Variants in ZNF408 observed in about 807,000 individuals in gnomAD.
ZNF408 encodes PR domain zinc finger protein 17.
ZNF408 carries 24 observed loss-of-function variants against 27.6 expected under a neutral mutation model. The observed-to-expected ratio is 0.87, with a 90% CI of 0.63 to 1.22. The LOEUF is 1.22. Among genes scored for constraint, ZNF408 ranks in the 50% most tolerant of loss-of-function variants. ZNF408 has a pLI of 0.00. For synonymous variants in ZNF408, 410 were observed against 396.1 expected, an observed-to-expected ratio of 1.04 and a Z score of -0.42; for missense variants, 897 against 949.0, an observed-to-expected ratio of 0.95 and a Z score of 0.72.
At chr11:46,701,234 C>CT in intron 1 of ZNF408, 135 bp downstream of exon 1, 1 of 1,558,664 alleles carries the variant, frequency 6.4e-7, no homozygotes, top group Non-Finnish European at 8.8e-7. Flanking sequence ...CTGGGGGCTT[C>CT]TGAAGAGCCC....
At chr11:46,704,318 C>G (rs1199846685) in intron 4 of ZNF408, 35 bp from the exon 5 acceptor site, 9 of 1,532,380 alleles carry the variant, frequency 5.9e-6, no homozygotes, top group Non-Finnish European at 7.9e-6. Context: ...TGCATTGAAG[C>G]TCCCTAAACC....
In ZNF408 at chr11:46,705,418, A is replaced by T; in HGVS notation, c.1718A>T (p.His573Leu). The T allele has an allele frequency of 6.2e-7, 1 of 1,607,326 alleles. No homozygotes were observed. The highest frequency in any genetic ancestry group is 8.5e-7 in the Non-Finnish European group (1 of 1,179,402). Residue 573 changes from histidine (H) to leucine (L), a missense_variant, in exon 5 of 5, where the codon CAC becomes CTC. By Grantham distance (99) the His-to-Leu change is moderately conservative. Transcript: ENST00000311764. This position sits in a 1 kb window ranked among gnomAD's most constrained non-coding sequence, Gnocchi z 6.5. ...ACGCTCCGAGCTCACGAGCGCCTGC[A>T]CTCCGGAGAGAGGCCCTTTCCCTGT... is the stretch of plus-strand genomic sequence containing the variant. ...PHTLRAHERL[H>L]SGERPFPCPQ...
At position 46,705,473 on chromosome 11, in the gene ZNF408, C is replaced by T; in HGVS notation, c.1773C>T (p.Ala591=). 2 of 1,606,792 alleles carry T rather than the reference C, an allele frequency of 1.2e-6. No homozygotes were observed. Among genetic ancestry groups the T allele is most frequent in the South Asian group, 1.1e-5 (1 of 91,068 alleles). The change falls in exon 5 of 5, where the codon GCC becomes GCT. Residue 591 remains alanine, a synonymous_variant. Coordinates refer to ENST00000311764, the MANE Select transcript of ZNF408 (RefSeq NM_024741.3). The surrounding 1 kb of genome is among the most constrained non-coding windows in gnomAD (Gnocchi z 6.5). ...AGTGTGGCCGTGCTTACACGCTGGC[C>T]ACCAAGCTGCGGCGCCACCTCAAAT... The part of the protein sequence containing the change: ...CPQCGRAYTL[A]TKLRRHLKSH...
In ZNF408 at chr11:46,703,091, T is replaced by C. The variant is rs1026055570; in HGVS notation, c.500T>C (p.Leu167Pro). The change falls in exon 4 of 5, where the codon CTG (leucine) becomes CCG (proline). Residue 167 changes from leucine to proline, a missense_variant. Coordinates refer to ENST00000311764, the MANE Select transcript of ZNF408 (RefSeq NM_024741.3). ...CAGCTGGTGCTGCCAGGCTCTGAACTGCTGCTGTGGCCCCAGCCTTCCTCT... is the reference window on the plus strand; with the variant it reads ...CAGCTGGTGCTGCCAGGCTCTGAACCGCTGCTGTGGCCCCAGCCTTCCTCT... ...VYQLVLPGSELLLWPQPSSEG... is the reference protein window; with the variant it reads ...VYQLVLPGSEPLLWPQPSSEG... 1 of 1,613,264 alleles carries C rather than the reference T, an allele frequency of 6.2e-7. No homozygotes were observed. Among genetic ancestry groups the C allele is most frequent in the African/African-American group, 1.3e-5 (1 of 75,030 alleles).
chr11:46,701,325 G>A lies in ZNF408; in HGVS notation c.53-74G>A, dbSNP rs767057382. ...GCTCCGCAGGCCCACCTGGACCTGC[G>A]GTTTCCTCCCACACTTTTCCCCACC... is the stretch of plus-strand genomic sequence containing the variant. On this transcript the variant is annotated intron_variant, in intron 1 of 4. Transcript: ENST00000311764. The A allele has an allele frequency of 3.2e-6, 5 of 1,583,568 alleles. No homozygotes were observed. In the Admixed American group the frequency reaches 5.3e-5, roughly 17 times the overall value.
At position 46,704,830 on chromosome 11, in the gene ZNF408, G is replaced by A; in HGVS notation, c.1130G>A (p.Gly377Asp). Residue 377 changes from glycine (G) to aspartate (D), a missense_variant, in exon 5 of 5, where the codon GGC becomes GAC. Transcript: ENST00000311764. ...HLKKHAFVHT[G>D]HKPFLCTECG... ...AAGAAGCACGCATTTGTGCACACGGGCCACAAGCCCTTTCTTTGCACTGAG... is the reference window on the plus strand; with the variant it reads ...AAGAAGCACGCATTTGTGCACACGGACCACAAGCCCTTTCTTTGCACTGAG... 6.2e-7 allele frequency: 1 copy of A among 1,600,448 alleles called. No homozygotes were observed. The highest frequency in any genetic ancestry group is 8.5e-7 in the Non-Finnish European group (1 of 1,172,932).
chr11:46,702,442 T>C (rs2064716445), intron 2 of ZNF408, among the ~76,000 whole-genome samples: 1 of 152,202 alleles, frequency 6.6e-6, no homozygotes, highest in Non-Finnish European at 1.5e-5. Flanking sequence ...ACTTTTTCTG[T>C]TTAGTACTCA....
At chr11:46,703,341 G>T in intron 4 of ZNF408, 98 bp downstream of exon 4, 1 of 1,420,370 alleles carries the variant, frequency 7.0e-7, no homozygotes, top group Non-Finnish European at 9.4e-7. Context: ...CGGTAAGGAA[G>T]GACACTATAG....
chr11:46,701,190 C>G (rs1168071944), intron 1 of ZNF408, 91 bp downstream of exon 1: 6 of 1,604,460 alleles, frequency 3.7e-6, no homozygotes, highest in Middle Eastern at 1.7e-4. Context: ...TTCTCTCCTC[C>G]GGATCCCAGG....
In ZNF408 at chr11:46,704,357, T is replaced by A; in HGVS notation, c.657T>A (p.Pro219=). 6.3e-7 allele frequency: 1 copy of A among 1,585,514 alleles called. No individual in the cohort carries two copies. Among genetic ancestry groups the A allele is most frequent in the Non-Finnish European group, 8.6e-7 (1 of 1,164,396 alleles). The part of the protein sequence containing the change: ...GEDAAEPCID[P]GSQSPSGIQA... ...TACCCCATCCTTGCCTTGCAGATCCTGGTTCCCAGTCACCCTCTGGCATCC... is the reference window on the plus strand; with the variant it reads ...TACCCCATCCTTGCCTTGCAGATCCAGGTTCCCAGTCACCCTCTGGCATCC... Residue 219 remains proline (P), a synonymous_variant, in exon 5 of 5, where the codon CCT becomes CCA. Transcript: ENST00000311764.
At chr11:46,703,755 G>GTTTTT (rs1214759940) in intron 4 of ZNF408, among the ~76,000 whole-genome samples, 6 of 110,194 alleles carry the variant, frequency 5.4e-5, no homozygotes, top group African/African-American at 2.0e-4. Flanking sequence ...TGTTGTTGTT[G>GTTTTT]TTGTTGTTGT....
chr11:46,705,358 G>A lies in ZNF408; in HGVS notation c.1658G>A (p.Cys553Tyr). The A allele has an allele frequency of 6.3e-7, 1 of 1,597,392 alleles. No individual in the cohort carries two copies. The highest frequency in any genetic ancestry group is 1.1e-5 in the South Asian group (1 of 90,054). The change falls in exon 5 of 5, where the codon TGC (cysteine) becomes TAC (tyrosine). Residue 553 changes from cysteine (C) to tyrosine (Y), a missense_variant. Coordinates refer to ENST00000311764, the MANE Select transcript of ZNF408 (RefSeq NM_024741.3). The surrounding 1 kb of genome is among the most constrained non-coding windows in gnomAD (Gnocchi z 6.5). ...TCACACACCGGGGAGGCCCACTTGT[G>A]CCCGGTGTGTGGCAAGGCCCTCCGA... ...LISHTGEAHL[C>Y]PVCGKALRDP...
Position 46,704,447 on chromosome 11 carries a change from C to T in ZNF408, c.747C>T (p.Ser249=). The change falls in exon 5 of 5, where the codon AGC becomes AGT. Residue 249 remains serine (S), a synonymous_variant. Transcript: ENST00000311764. ...FPTQDRISKD[S]QPLGPLLQDG... is the part of the protein sequence containing the mutation. ...CCCAGGACCGAATTTCCAAGGATAG[C>T]CAGCCACTTGGCCCATTGCTTCAGG... The T allele has an allele frequency of 6.2e-7, 1 of 1,614,170 alleles. No homozygotes were observed. Among genetic ancestry groups the T allele is most frequent in the Non-Finnish European group, 8.5e-7 (1 of 1,180,032 alleles).
chr11:46,705,088 C>T lies in ZNF408; in HGVS notation c.1388C>T (p.Ala463Val), dbSNP rs545799372. The T allele has an allele frequency of 1.2e-6, 2 of 1,612,418 alleles. No individual in the cohort carries two copies. Among genetic ancestry groups the T allele is most frequent in the African/African-American group, 1.3e-5 (1 of 75,076 alleles). Reference sequence around the variant, plus strand: ...CATCGCAAGACCCACCAGGTGCCAGCTGCCCCTGCCCCTTGCCCATGCCCT... The same window carrying T: ...CATCGCAAGACCCACCAGGTGCCAGTTGCCCCTGCCCCTTGCCCATGCCCT... Reference protein sequence around the residue: ...RLHRKTHQVPAAPAPCPCPVC... With the variant: ...RLHRKTHQVPVAPAPCPCPVC... Residue 463 changes from alanine (A) to valine (V), a missense_variant, in exon 5 of 5, where the codon GCT (alanine) becomes GTT (valine). Ala to Val is a moderately conservative substitution (Grantham distance 64). Coordinates refer to ENST00000311764, the MANE Select transcript of ZNF408 (RefSeq NM_024741.3). The surrounding 1 kb of genome is among the most constrained non-coding windows in gnomAD (Gnocchi z 6.5).
At position 46,701,646 on chromosome 11, in the gene ZNF408, G is replaced by A; in HGVS notation, c.300G>A (p.Lys100=). ...AAGAGGAGTCTGCCTCCAAGGAGAA[G>A]GGCGAGGGAGTAAAGCCACGGCAGG... is the stretch of plus-strand genomic sequence containing the variant. The part of the protein sequence containing the change: ...PLEEESASKE[K]GEGVKPRQEE... The change falls in exon 2 of 5, where the codon AAG becomes AAA. Residue 100 remains lysine (K), a synonymous_variant. Transcript: ENST00000311764. 1 of 1,598,908 alleles carries A rather than the reference G, an allele frequency of 6.3e-7. No homozygotes were observed. Among genetic ancestry groups the A allele is most frequent in the Non-Finnish European group, 8.5e-7 (1 of 1,170,668 alleles).
Position 46,705,675 on chromosome 11 carries a change from C to G in ZNF408, c.1975C>G (p.Leu659Val), listed in dbSNP as rs765325050. 15 of 1,613,900 alleles carry G rather than the reference C, an allele frequency of 9.3e-6. No homozygotes were observed. Among genetic ancestry groups the G allele is most frequent in the Non-Finnish European group, 1.3e-5 (15 of 1,179,994 alleles). Residue 659 changes from leucine to valine, a missense_variant, in exon 5 of 5, where the codon CTG (leucine) becomes GTG (valine). Leu to Val is a conservative substitution (Grantham distance 32, BLOSUM62 1). Transcript: ENST00000311764. This position sits in a 1 kb window ranked among gnomAD's most constrained non-coding sequence, Gnocchi z 6.5. The stretch of plus-strand genomic sequence containing the variant: ...GCTCCTGCAGGCTGAGCCACAACTG[C>G]TGGACACACACAGAGAGGAGGAAGT... The part of the protein sequence containing the change: ...VVLLQAEPQL[L>V]DTHREEEVSP...
rs1489418102 is a variant in ZNF408 at position 46,703,761 on chromosome 11, G to GT, written c.652+520dup. Reference sequence around the variant, plus strand: ...GTTTTGTTTTGTTGTTGTTGTTGTTGTTGTTGTTGTTTTTTTTTTTTTTTG... The same window carrying GT: ...GTTTTGTTTTGTTGTTGTTGTTGTTGTTTGTTGTTGTTTTTTTTTTTTTTTG... On this transcript the variant is annotated intron_variant, in intron 4 of 4. Coordinates refer to ENST00000311764, the MANE Select transcript of ZNF408 (RefSeq NM_024741.3). Among the ~76,000 whole-genome samples, 54 of 80,166 alleles carry GT rather than the reference G, an allele frequency of 6.7e-4. 3 individuals carry two copies. The highest frequency in any genetic ancestry group is 2.4e-3 in the African/African-American group (50 of 20,984). The allele number at this position is 80,166 out of a possible 152,430, so 52.6% of individuals were successfully genotyped here. A position where few individuals can be genotyped will look rare whatever the true frequency, so the allele number is the denominator to read the frequency against.
chr11:46,705,561 A>G lies in ZNF408; in HGVS notation c.1861A>G (p.Ser621Gly). The change falls in exon 5 of 5, where the codon AGC becomes GGC. Residue 621 changes from serine (S) to glycine (G), a missense_variant. By Grantham distance (56) the Ser-to-Gly change is moderately conservative. Coordinates refer to ENST00000311764, the MANE Select transcript of ZNF408 (RefSeq NM_024741.3). The surrounding 1 kb of genome is among the most constrained non-coding windows in gnomAD (Gnocchi z 6.5). The part of the protein sequence containing the change: ...TCGMGYTLPQ[S>G]LRRHQLSHRP... ...TGGCATGGGCTACACCCTCCCGCAGAGCCTCAGGCGGCATCAGCTCAGTCA... is the reference window on the plus strand; with the variant it reads ...TGGCATGGGCTACACCCTCCCGCAGGGCCTCAGGCGGCATCAGCTCAGTCA... The G allele has an allele frequency of 6.2e-7, 1 of 1,606,072 alleles. No homozygotes were observed. Among genetic ancestry groups the G allele is most frequent in the Non-Finnish European group, 8.5e-7 (1 of 1,179,928 alleles).
In ZNF408 at chr11:46,703,146, G is replaced by A; in HGVS notation, c.555G>A (p.Leu185=). 6.2e-7 allele frequency: 1 copy of A among 1,612,428 alleles called. No individual in the cohort carries two copies. The highest frequency in any genetic ancestry group is 8.5e-7 in the Non-Finnish European group (1 of 1,179,490). The change falls in exon 4 of 5, where the codon CTG becomes CTA. Residue 185 remains leucine, a synonymous_variant. Coordinates refer to ENST00000311764, the MANE Select transcript of ZNF408 (RefSeq NM_024741.3). The part of the protein sequence containing the change: ...SEGPSLTQPG[L]DKEAAVAVVT... ...GCCCAAGTCTCACCCAGCCTGGGCT[G>A]GACAAAGAGGCAGCTGTAGCAGTGG...
Sources: allele counts gnomAD v4.1 joint callset (sites outside exome capture counted in the v4.1 genomes callset), GRCh38; gene constraint gnomAD v4.1.1; non-coding constraint Gnocchi (gnomAD v3.1); transcripts MANE v1.5; gene names NCBI Gene and HGNC (gene_info 2026-07-23, HGNC 2026-07-21).